The following SSH2 variants were observed in gnomAD, a reference collection of about 807,000 sequenced individuals.
SSH2 encodes slingshot protein phosphatase 2.
In SSH2, 37 loss-of-function variants were observed where a neutral mutation model predicts 135.2. The observed-to-expected ratio is 0.27, with a 90% CI of 0.21 to 0.36. SSH2 has a LOEUF of 0.36. Ranked by LOEUF, SSH2 falls within the 10% of genes least tolerant of loss-of-function variation. The pLI is 1.00. For missense variants in SSH2, 1,408 were observed against 1,765.3 expected, an observed-to-expected ratio of 0.80 and a Z score of 3.63; for synonymous variants, 628 against 646.2, an observed-to-expected ratio of 0.97 and a Z score of 0.43.
At chr17:29,723,754 C>G (rs534142632) in intron 3 of SSH2, among the ~76,000 whole-genome samples, 1 of 152,104 alleles carries the variant, frequency 6.6e-6, no homozygotes, top group African/African-American at 2.4e-5. Context: ...TGAGAAAGCC[C>G]ACATTTGTCA....
intron 13 of SSH2, among the ~76,000 whole-genome samples, chr17:29,648,922 C>T (rs546548650): frequency 2.0e-5 from 3 of 152,236 alleles, no homozygotes; most frequent in East Asian, 1.9e-4. Context: ...AGGTGGATCA[C>T]GAGGTCAGGA....
At chr17:29,665,872 C>A (rs2037248560) in intron 11 of SSH2, among the ~76,000 whole-genome samples, 1 of 152,160 alleles carries the variant, frequency 6.6e-6, no homozygotes, top group South Asian at 2.1e-4. Context: ...TTTTTAGTCA[C>A]CAATTTTTTG....
chr17:29,847,237 T>A (rs868070447), intron 2 of SSH2, among the ~76,000 whole-genome samples: 1 of 152,046 alleles, frequency 6.6e-6, no homozygotes, highest in Non-Finnish European at 1.5e-5. Context: ...CACAGTGCCA[T>A]CCCTAATCTG....
intron 1 of SSH2, among the ~76,000 whole-genome samples, chr17:29,901,134 TG>T (rs1028648127): frequency 1.3e-4 from 19 of 151,946 alleles, no homozygotes; most frequent in Non-Finnish European, 2.4e-4. Context: ...TGTTGTGGGT[TG>T]GGGGGAGGGG....
At chr17:29,850,029 CAAAAAAAAAAA>C (rs970117948) in intron 1 of SSH2, among the ~76,000 whole-genome samples, 2 of 37,678 alleles carry the variant, frequency 5.3e-5, no homozygotes, top group Non-Finnish European at 1.1e-4. Flanking sequence ...GACTCCATCT[CAAAAAAAAAAA>C]AAAAAAAAAA....
chr17:29,674,367 C>G (rs568931608), intron 8 of SSH2, among the ~76,000 whole-genome samples: 2 of 152,270 alleles, frequency 1.3e-5, no homozygotes, highest in East Asian at 3.9e-4. Flanking sequence ...AAGGTAAGAG[C>G]CAGCTTAGTG....
intron 11 of SSH2, among the ~76,000 whole-genome samples, chr17:29,659,183 A>C (rs1187362646): frequency 6.6e-6 from 1 of 152,156 alleles, no homozygotes; most frequent in African/African-American, 2.4e-5. Flanking sequence ...CTGATATAAT[A>C]GTTTATTCAA....
At chr17:29,838,356 G>C (rs2042980611) in intron 2 of SSH2, among the ~76,000 whole-genome samples, 1 of 152,238 alleles carries the variant, frequency 6.6e-6, no homozygotes, top group Non-Finnish European at 1.5e-5. Flanking sequence ...GGCATGAACA[G>C]CCTGGGCACC....
At chr17:29,742,208 T>C (rs2040582114) in intron 3 of SSH2, among the ~76,000 whole-genome samples, 1 of 152,008 alleles carries the variant, frequency 6.6e-6, no homozygotes, top group African/African-American at 2.4e-5. Context: ...GTGCTGGGAT[T>C]ACAGGTGTGA....
chr17:29,675,746 A>C (rs1598773742), intron 8 of SSH2: 1 of 153,204 alleles, frequency 6.5e-6, no homozygotes, highest in East Asian at 1.9e-4. Context: ...GGCTGCCATA[A>C]GCTATGATTG....
intron 3 of SSH2, among the ~76,000 whole-genome samples, chr17:29,735,043 G>A (rs1047421829): frequency 6.6e-6 from 1 of 152,230 alleles, no homozygotes; most frequent in South Asian, 2.1e-4. Context: ...AGATGTTGGG[G>A]TAAGGTCGTT....
At chr17:29,886,081 G>C (rs1362588260) in intron 1 of SSH2, among the ~76,000 whole-genome samples, 1 of 152,160 alleles carries the variant, frequency 6.6e-6, no homozygotes, top group Non-Finnish European at 1.5e-5. Flanking sequence ...GCAGAGGTTG[G>C]AACAGTTTCG....
chr17:29,895,222 T>A (rs1195095324), intron 1 of SSH2, among the ~76,000 whole-genome samples: 2 of 142,344 alleles, frequency 1.4e-5, no homozygotes, highest in African/African-American at 5.1e-5. Flanking sequence ...ATATATTTTA[T>A]AAATACATTT....
chr17:29,887,427 T>C (rs2066259769), intron 1 of SSH2, among the ~76,000 whole-genome samples: 1 of 152,176 alleles, frequency 6.6e-6, no homozygotes, highest in African/African-American at 2.4e-5. Context: ...GACATGGAAT[T>C]CAAGACTGGA....
intron 3 of SSH2, among the ~76,000 whole-genome samples, chr17:29,714,614 C>T (rs768383082): frequency 6.6e-6 from 1 of 150,518 alleles, no homozygotes; most frequent in Non-Finnish European, 1.5e-5. Flanking sequence ...TTTCAGTGTT[C>T]ATACAGATGA....
chr17:29,765,548 T>C (rs1222331110), intron 3 of SSH2, among the ~76,000 whole-genome samples: 2 of 152,204 alleles, frequency 1.3e-5, no homozygotes, highest in Non-Finnish European at 2.9e-5. Context: ...TCCTCTATGC[T>C]CTTTTCCACA....
At position 29,930,169 on chromosome 17, in the gene SSH2, TCGC is replaced by T. The variant is rs1446637455; in HGVS notation, c.-172_-170del. 1 of 612,536 alleles carries T rather than the reference TCGC, an allele frequency of 1.6e-6. No homozygotes were observed. Among genetic ancestry groups the T allele is most frequent in the Admixed American group, 3.3e-5 (1 of 30,326 alleles). 37.9% of individuals were successfully genotyped at this position (612,536 alleles called of 1,614,324 possible). A position where few individuals can be genotyped will look rare whatever the true frequency, so the allele number is the denominator to read the frequency against. ...AGACTCCGCACCCACCACCAGACTG[TCGC>T]CGACTGACGCTCCGAACGGGCGGCG... On this transcript the variant is annotated 5_prime_UTR_variant, in exon 1 of 16. Coordinates refer to ENST00000540801, the MANE Select transcript of SSH2 (RefSeq NM_001282129.2).
At chr17:29,845,566 G>C (rs2043117902) in intron 2 of SSH2, among the ~76,000 whole-genome samples, 1 of 152,154 alleles carries the variant, frequency 6.6e-6, no homozygotes, top group Admixed American at 6.5e-5. Flanking sequence ...AAGCAACCCA[G>C]AGTAATCTAT....
chr17:29,797,367 C>T (rs1464021761), intron 2 of SSH2, among the ~76,000 whole-genome samples: 2 of 152,112 alleles, frequency 1.3e-5, no homozygotes, highest in Non-Finnish European at 2.9e-5. Flanking sequence ...AAAATTAGTA[C>T]ACAGGATATG....
Sources: allele counts gnomAD v4.1 joint callset (sites outside exome capture counted in the v4.1 genomes callset), GRCh38; gene constraint gnomAD v4.1.1; transcripts MANE v1.5; gene names NCBI Gene and HGNC (gene_info 2026-07-23, HGNC 2026-07-21).